The following UBE2G1 variants were observed in gnomAD, a reference collection of about 807,000 sequenced individuals.
UBE2G1 encodes the protein ubiquitin conjugating enzyme E2 G1.
A neutral mutation model predicts 22.7 loss-of-function variants in UBE2G1; 5 were observed. The observed-to-expected ratio is 0.22, with a 90% CI of 0.12 to 0.46. The LOEUF is 0.46. Ranked by LOEUF, UBE2G1 falls within the 20% of genes least tolerant of loss-of-function variation. The pLI is 0.99. For missense variants in UBE2G1, 88 were observed against 203.9 expected (o/e 0.43, Z 3.46); for synonymous variants, 74 against 67.5 (o/e 1.10, Z -0.47).
intron 3 of UBE2G1, among the ~76,000 whole-genome samples, chr17:4,292,314 C>CAAA (rs35054040): frequency 9.2e-6 from 1 of 108,734 alleles, no homozygotes; most frequent in African/African-American, 3.6e-5. Context: ...GACTCTGTCT[C>CAAA]AAAAAAAAAA....
chr17:4,288,292 T>C (rs1481907873), intron 4 of UBE2G1, among the ~76,000 whole-genome samples: 7 of 152,174 alleles, frequency 4.6e-5, no homozygotes, highest in African/African-American at 1.7e-4. Context: ...AGAGTCCAGA[T>C]CTCGGCTCAC....
rs75116832 is a variant in UBE2G1 at position 4,338,981 on chromosome 17, G to A, written c.46+27290C>T. ...GAAATGTCTGGGACTGGTACCGCTC[G>A]GGAGTAGTTCTCAGTCAGTCACAAT... On this transcript the variant is annotated intron_variant, in intron 1 of 5. Transcript: ENST00000396981. 7.4e-3 allele frequency among the ~76,000 whole-genome samples: 1,130 copies of A among 152,246 alleles called. 8 individuals carry two copies. Among genetic ancestry groups the A allele is most frequent in the Non-Finnish European group, 0.012 (808 of 68,024 alleles).
rs34313850 is a variant in UBE2G1 at position 4,290,779 on chromosome 17, C to CT, written c.248-1372dup. ...CATAGGCACATGGCACCATTCCTGG[C>CT]TTTTTTTTTTTTTTTTTTTGGTAGA... On this transcript the variant is annotated intron_variant, in intron 3 of 5. Transcript: ENST00000396981. 6.9e-3 allele frequency among the ~76,000 whole-genome samples: 816 copies of CT among 117,928 alleles called. 15 individuals carry two copies. Among genetic ancestry groups the CT allele is most frequent in the African/African-American group, 0.025 (777 of 31,234 alleles). 77.4% of individuals were successfully genotyped at this position (117,928 alleles called of 152,430 possible).
chr17:4,330,344 A>G (rs1011428293), intron 1 of UBE2G1, among the ~76,000 whole-genome samples: 2 of 152,100 alleles, frequency 1.3e-5, no homozygotes, highest in African/African-American at 2.4e-5. Flanking sequence ...CTATCTTCAC[A>G]TTTTGCATAC....
At chr17:4,314,398 G>GC (rs1242205794) in intron 1 of UBE2G1, among the ~76,000 whole-genome samples, 4 of 152,180 alleles carry the variant, frequency 2.6e-5, no homozygotes, top group African/African-American at 9.7e-5. Flanking sequence ...CTTGAAATAT[G>GC]CAAGTTTAAA....
chr17:4,340,913 C>A (rs55797988), intron 1 of UBE2G1, among the ~76,000 whole-genome samples: 55,450 of 131,028 alleles, frequency 0.42, 12,094 homozygotes, highest in African/African-American at 0.68. Context: ...AAAAAAAAAA[C>A]AAAACCTTCA....
intron 4 of UBE2G1, among the ~76,000 whole-genome samples, chr17:4,284,611 C>A (rs939131745): frequency 6.6e-6 from 1 of 150,496 alleles, no homozygotes; most frequent in South Asian, 2.1e-4. Context: ...AAAAAAAAAA[C>A]AAAAAATAAA....
At chr17:4,312,513 G>A (rs1023495600) in intron 1 of UBE2G1, among the ~76,000 whole-genome samples, 15 of 151,812 alleles carry the variant, frequency 9.9e-5, no homozygotes, top group African/African-American at 1.7e-4. Flanking sequence ...TGGCTAACAC[G>A]GTGAAACCCC....
At chr17:4,336,309 C>T (rs189282619) in intron 1 of UBE2G1, among the ~76,000 whole-genome samples, 1 of 152,146 alleles carries the variant, frequency 6.6e-6, no homozygotes, top group Admixed American at 6.5e-5. Context: ...CAAGGGTCTA[C>T]AAGAGACAAA....
At chr17:4,273,813 T>C (rs889611058) in intron 5 of UBE2G1, among the ~76,000 whole-genome samples, 3 of 152,304 alleles carry the variant, frequency 2.0e-5, no homozygotes, top group Admixed American at 6.5e-5. Context: ...AAACTCTGAA[T>C]CCATTGCCAT....
chr17:4,358,502 A>C (rs1028085685), intron 1 of UBE2G1, among the ~76,000 whole-genome samples: 1 of 152,066 alleles, frequency 6.6e-6, no homozygotes, highest in African/African-American at 2.4e-5. Flanking sequence ...TTCTAGATAC[A>C]ATCAGTTGCC....
At chr17:4,357,488 C>T (rs1262135974) in intron 1 of UBE2G1, among the ~76,000 whole-genome samples, 1 of 92,590 alleles carries the variant, frequency 1.1e-5, no homozygotes, top group South Asian at 4.2e-4. Context: ...TGTCATCACT[C>T]GGTTGTGTGT....
intron 1 of UBE2G1, among the ~76,000 whole-genome samples, chr17:4,319,722 C>T (rs1402755159): frequency 7.1e-6 from 1 of 141,516 alleles, no homozygotes. Flanking sequence ...GCACCTGTGT[C>T]GAAAAAAAAA....
chr17:4,292,052 G>A (rs901105052), intron 3 of UBE2G1, among the ~76,000 whole-genome samples: 7 of 151,810 alleles, frequency 4.6e-5, no homozygotes, highest in South Asian at 2.1e-4. Flanking sequence ...ACAGTGGCTC[G>A]GCCCACTGTA....
chr17:4,297,155 A>G (rs1231361405), intron 2 of UBE2G1, among the ~76,000 whole-genome samples: 40 of 152,168 alleles, frequency 2.6e-4, no homozygotes, highest in Non-Finnish European at 1.5e-5. Flanking sequence ...AACATCACCA[A>G]TTTCTCTATG....
At chr17:4,330,666 G>A (rs1180881236) in intron 1 of UBE2G1, among the ~76,000 whole-genome samples, 3 of 152,134 alleles carry the variant, frequency 2.0e-5, no homozygotes, top group Non-Finnish European at 4.4e-5. Flanking sequence ...GAACCCAGGA[G>A]GCGGAGGTTG....
chr17:4,309,153 A>C (rs193005939), intron 1 of UBE2G1, among the ~76,000 whole-genome samples: 79 of 152,324 alleles, frequency 5.2e-4, no homozygotes, highest in African/African-American at 1.8e-3. Flanking sequence ...CCAGCTACTC[A>C]GAAGGCTGAG....
chr17:4,332,139 A>C (rs1372141040), intron 1 of UBE2G1, among the ~76,000 whole-genome samples: 1 of 152,126 alleles, frequency 6.6e-6, no homozygotes, highest in African/African-American at 2.4e-5. Flanking sequence ...ACATATACAT[A>C]ATGTTGATTT....
chr17:4,309,122 T>C (rs997227477), intron 1 of UBE2G1, among the ~76,000 whole-genome samples: 8 of 152,130 alleles, frequency 5.3e-5, no homozygotes, highest in Non-Finnish European at 7.3e-5. Flanking sequence ...TGGCCGGGCA[T>C]GGAGGCGGAC....
Sources: gnomAD v4.1 joint callset for allele counts (sites outside exome capture counted in the v4.1 genomes callset) on GRCh38, gnomAD v4.1.1 for gene constraint, MANE v1.5 for transcripts, NCBI Gene and HGNC (gene_info 2026-07-23, HGNC 2026-07-21) for gene names.